GNMT: variants seen among roughly 807,000 people sequenced by gnomAD.
GNMT encodes epididymis secretory sperm binding protein Li 182mP.
GNMT carries 26 observed loss-of-function variants against 30.2 expected under a neutral mutation model. That is an observed-to-expected ratio of 0.86 (90% CI 0.63 to 1.19). The LOEUF (loss-of-function observed/expected upper bound fraction) is 1.19, where lower values mean the gene tolerates loss of function less well. GNMT is among the 50% of genes most tolerant of loss of function. The probability of loss-of-function intolerance (pLI) is 0.00; values close to 1 mark genes in which losing one functional copy is unlikely to be tolerated. For missense variants in GNMT, 365 were observed against 398.1 expected (o/e 0.92, Z 0.71); for synonymous variants, 163 against 163.8 (o/e 1.00, Z 0.04).
rs766324973 is a variant in GNMT, at chr6:42,962,232, T to G, written c.227T>G (p.Val76Gly). 5 of 1,614,116 alleles carry G rather than the reference T, an allele frequency of 3.1e-6. No homozygotes were observed. Among genetic ancestry groups the G allele is most frequent in the South Asian group, 2.2e-5 (2 of 91,072 alleles). ...CGTGVDSIML[V>G]EEGFSVTSVD... ...CTCAGGGTGGACTCCATTATGCTGGTGGAAGAGGGCTTCAGTGTGACGAGT... is the reference window on the plus strand; with the variant it reads ...CTCAGGGTGGACTCCATTATGCTGGGGGAAGAGGGCTTCAGTGTGACGAGT... The change falls in exon 2 of 6, where the codon GTG (valine) becomes GGG (glycine). Residue 76 changes from valine to glycine, a missense_variant. Transcript: ENST00000372808.
chr6:42,961,550 C>CTTTTTTTT (rs575786265), intron 1 of GNMT, among the ~76,000 whole-genome samples: 3,552 of 129,658 alleles, frequency 0.027, 123 homozygotes, highest in East Asian at 0.064. Context: ...CTATTTTTCT[C>CTTTTTTTT]TTTTTTTTTT....
intron 2 of GNMT, 122 bp from the exon 3 acceptor site, chr6:42,962,640 C>T: frequency 1.2e-6 from 1 of 830,562 alleles, no homozygotes; most frequent in Non-Finnish European, 2.1e-6. Flanking sequence ...TCTCCTCCCC[C>T]TAACTGAACG....
Position 42,963,459 on chromosome 6 carries a change from G to T in GNMT, c.716+10G>T, listed in dbSNP as rs768035917. 6.2e-7 allele frequency: 1 copy of T among 1,607,224 alleles called. No homozygotes were observed. The highest frequency in any genetic ancestry group is 1.1e-5 in the South Asian group (1 of 90,968). On this transcript the variant is annotated intron_variant, in intron 5 of 5. Transcript: ENST00000372808. ...GCTCTCCTGGCTTGAGGTACCACTT[G>T]GCTTAGTGGGGGTGAGGCGGTAGTT...
rs752961004 is a variant in GNMT, at chr6:42,960,816, G to A, written c.49G>A (p.Gly17Arg). ...CCGCTCCCTGGGGGTGGCGGCCGAA[G>A]GGCTCCCGGACCAGTACGCGGACGG... Reference protein sequence around the residue: ...RTRSLGVAAEGLPDQYADGEA... With the variant: ...RTRSLGVAAERLPDQYADGEA... The change falls in exon 1 of 6, where the codon GGG (glycine) becomes AGG (arginine). Residue 17 changes from glycine (G) to arginine (R), a missense_variant. Around this residue, in one of 3 missense-constraint regions of GNMT, gnomAD observed 125 missense variants for 112.0 expected, o/e 1.12. Transcript: ENST00000372808. 3.1e-5 allele frequency: 48 copies of A among 1,557,362 alleles called. No individual in the cohort carries two copies. The highest frequency in any genetic ancestry group is 3.4e-4 in the Middle Eastern group (2 of 5,834).
Position 42,960,935 on chromosome 6 carries a change from C to G in GNMT, c.168C>G (p.His56Gln). Residue 56 changes from histidine (H) to glutamine (Q), a missense_variant, in exon 1 of 6, where the codon CAC (histidine) becomes CAG (glutamine). Around this residue, in one of 3 missense-constraint regions of GNMT, gnomAD observed 125 missense variants for 112.0 expected, o/e 1.12. Coordinates refer to ENST00000372808, the MANE Select transcript of GNMT (RefSeq NM_018960.6). Reference protein sequence around the residue: ...KAWLLGLLRQHGCQRVLDVAC... With the variant: ...KAWLLGLLRQQGCQRVLDVAC... ...GGCTGCTTGGGCTGCTGCGCCAGCA[C>G]GGCTGCCAGCGGGTGCTCGACGTAG... 6.4e-7 allele frequency: 1 copy of G among 1,563,952 alleles called. No homozygotes were observed. The highest frequency in any genetic ancestry group is 1.2e-5 in the South Asian group (1 of 85,798).
chr6:42,962,650 G>A (rs1021391829), intron 2 of GNMT, 112 bp from the exon 3 acceptor site: 17 of 845,592 alleles, frequency 2.0e-5, no homozygotes, highest in African/African-American at 5.0e-5. Context: ...CTAACTGAAC[G>A]GGGAGCTTGT....
Position 42,963,416 on chromosome 6 carries a change from C to CG in GNMT, c.688dup (p.Ala230GlyfsTer11). ...ACCCTGGACTATACGGTGCAGGTGC[C>CG]GGGGGCTGGCCAGGATGGCTCTCCT... is the stretch of plus-strand genomic sequence containing the variant. On this transcript the variant is annotated frameshift_variant, in exon 5 of 6. Coordinates refer to ENST00000372808, the MANE Select transcript of GNMT (RefSeq NM_018960.6). LOFTEE classifies it high-confidence loss of function. 6.2e-7 allele frequency: 1 copy of CG among 1,613,826 alleles called. No homozygotes were observed. Among genetic ancestry groups the CG allele is most frequent in the Non-Finnish European group, 8.5e-7 (1 of 1,179,880 alleles).
At chr6:42,963,471 G>T (rs963261806) in intron 5 of GNMT, 22 bp downstream of exon 5, 1 of 1,612,282 alleles carries the variant, frequency 6.2e-7, no homozygotes, top group African/African-American at 1.4e-5. Flanking sequence ...CTTAGTGGGG[G>T]TGAGGCGGTA....
Position 42,960,801 on chromosome 6 carries a change from G to A in GNMT, c.34G>A (p.Gly12Arg). 1 of 1,553,872 alleles carries A rather than the reference G, an allele frequency of 6.4e-7. No homozygotes were observed. Among genetic ancestry groups the A allele is most frequent in the South Asian group, 1.2e-5 (1 of 84,592 alleles). ...CAGCGTGTACCGGACCCGCTCCCTG[G>A]GGGTGGCGGCCGAAGGGCTCCCGGA... ...VDSVYRTRSL[G>R]VAAEGLPDQY... Residue 12 changes from glycine to arginine, a missense_variant, in exon 1 of 6, where the codon GGG becomes AGG. Physicochemically the swap from Gly to Arg is moderately radical, Grantham distance 125. Coordinates refer to ENST00000372808, the MANE Select transcript of GNMT (RefSeq NM_018960.6).
At chr6:42,962,458 A>G (rs1769458105) in intron 2 of GNMT, 119 bp downstream of exon 2, 2 of 1,084,812 alleles carry the variant, frequency 1.8e-6, no homozygotes, top group African/African-American at 1.6e-5. Flanking sequence ...GGAGACAGAA[A>G]AATTACTGTC....
chr6:42,963,420 G>A lies in GNMT; in HGVS notation c.687G>A (p.Gly229=). Reference sequence around the variant, plus strand: ...TGGACTATACGGTGCAGGTGCCGGGGGCTGGCCAGGATGGCTCTCCTGGCT... The same window carrying A: ...TGGACTATACGGTGCAGGTGCCGGGAGCTGGCCAGGATGGCTCTCCTGGCT... The part of the protein sequence containing the change: ...VTLDYTVQVP[G]AGQDGSPGLS... Residue 229 remains glycine (G), a synonymous_variant, in exon 5 of 6, where the codon GGG becomes GGA. Transcript: ENST00000372808. The A allele has an allele frequency of 6.2e-7, 1 of 1,614,082 alleles. No homozygotes were observed. Among genetic ancestry groups the A allele is most frequent in the Non-Finnish European group, 8.5e-7 (1 of 1,179,978 alleles).
Position 42,963,170 on chromosome 6 carries a change from C to G in GNMT, c.550C>G (p.Leu184Val). Residue 184 changes from leucine to valine, a missense_variant, in exon 4 of 6, where the codon CTC becomes GTC. Leu to Val is a conservative substitution (Grantham distance 32, BLOSUM62 1). Around this residue, in one of 3 missense-constraint regions of GNMT, gnomAD observed 232 missense variants for 263.0 expected, o/e 0.88. Transcript: ENST00000372808. The part of the protein sequence containing the change: ...VIDHRNYDHI[L>V]STGCAPPGKN... ...TGATCATCGCAACTACGACCACATC[C>G]TCAGTACAGGCTGTGCACCCCCAGG... 1 of 1,608,366 alleles carries G rather than the reference C, an allele frequency of 6.2e-7. No individual in the cohort carries two copies. Among genetic ancestry groups the G allele is most frequent in the South Asian group, 1.1e-5 (1 of 90,966 alleles).
At chr6:42,961,188 G>A (rs1769367973) in intron 1 of GNMT, among the ~76,000 whole-genome samples, 1 of 152,238 alleles carries the variant, frequency 6.6e-6, no homozygotes, top group Admixed American at 6.5e-5. Context: ...GGTTCGCAGG[G>A]AGAGGCCCCG....
intron 2 of GNMT, 52 bp from the exon 3 acceptor site, chr6:42,962,710 C>A: frequency 8.0e-7 from 1 of 1,251,794 alleles, no homozygotes; most frequent in Non-Finnish European, 1.2e-6. Context: ...GAGGTGGCTG[C>A]TACTGGTACC....
At chr6:42,962,638 C>G in intron 2 of GNMT, 124 bp from the exon 3 acceptor site, 1 of 826,472 alleles carries the variant, frequency 1.2e-6, no homozygotes, top group South Asian at 1.3e-5. Flanking sequence ...TTTCTCCTCC[C>G]CCTAACTGAA....
Position 42,960,917 on chromosome 6 carries a change from TG to T in GNMT, c.153del (p.Leu52CysfsTer13). On this transcript the variant is annotated frameshift_variant, in exon 1 of 6. Coordinates refer to ENST00000372808, the MANE Select transcript of GNMT (RefSeq NM_018960.6). LOFTEE classifies it high-confidence loss of function. ...RTAEYKAWLLGLLRQHGCQRV... is the reference protein window; with the variant it reads ...RTAEYKAWLLXLLRQHGCQRV... Reference sequence around the variant, plus strand: ...CCGCCGAGTACAAGGCATGGCTGCTTGGGCTGCTGCGCCAGCACGGCTGCCA... The same window carrying T: ...CCGCCGAGTACAAGGCATGGCTGCTTGGCTGCTGCGCCAGCACGGCTGCCA... The T allele has an allele frequency of 1.3e-6, 2 of 1,564,096 alleles. No homozygotes were observed. Among genetic ancestry groups the T allele is most frequent in the Non-Finnish European group, 8.6e-7 (1 of 1,159,218 alleles).
rs143043221 is a variant in GNMT, at chr6:42,962,800, G to A, written c.373G>A (p.Val125Met). Residue 125 changes from valine (V) to methionine (M), a missense_variant, in exon 3 of 6, where the codon GTG becomes ATG. Around this residue, in one of 3 missense-constraint regions of GNMT, gnomAD observed 232 missense variants for 263.0 expected, o/e 0.88. Coordinates refer to ENST00000372808, the MANE Select transcript of GNMT (RefSeq NM_018960.6). Reference sequence around the variant, plus strand: ...CAACTGGATGACTCTGGACAAAGATGTGCCCCAGTCAGCAGAGGGTGGCTT... The same window carrying A: ...CAACTGGATGACTCTGGACAAAGATATGCCCCAGTCAGCAGAGGGTGGCTT... The part of the protein sequence containing the change: ...EANWMTLDKD[V>M]PQSAEGGFDA... 431 of 1,614,108 alleles carry A rather than the reference G, an allele frequency of 2.7e-4. 1 individual carries two copies. The African/African-American group carries it at 5.1e-3, about 19-fold the overall frequency.
rs575786265 is a variant in GNMT, at chr6:42,961,550, C to CTTTTTTTTTT, written c.206+589_206+598dup. ...GATCTGTCCTGTGCTCTATTTTTCT[C>CTTTTTTTTTT]TTTTTTTTTTTTTTTTTTTTTGAGA... On this transcript the variant is annotated intron_variant, in intron 1 of 5. Coordinates refer to ENST00000372808, the MANE Select transcript of GNMT (RefSeq NM_018960.6). Among the ~76,000 whole-genome samples the CTTTTTTTTTT allele has an allele frequency of 4.4e-3, 568 of 130,498 alleles. 7 individuals carry two copies. Among genetic ancestry groups the CTTTTTTTTTT allele is most frequent in the East Asian group, 7.8e-3 (31 of 3,986 alleles). 85.6% of individuals were successfully genotyped at this position (130,498 alleles called of 152,430 possible).
In GNMT at chr6:42,963,854, A is replaced by C; in HGVS notation, c.*148A>C. ...GTGGGTTCCACAGACGGAAGGGTAA[A>C]CAATATAGTCTTTTTCAGTTCCTGC... On this transcript the variant is annotated 3_prime_UTR_variant, in exon 6 of 6. Coordinates refer to ENST00000372808, the MANE Select transcript of GNMT (RefSeq NM_018960.6). 1 of 752,180 alleles carries C rather than the reference A, an allele frequency of 1.3e-6. No individual in the cohort carries two copies. Among genetic ancestry groups the C allele is most frequent in the Non-Finnish European group, 2.3e-6 (1 of 429,184 alleles). 46.6% of individuals were successfully genotyped at this position (752,180 alleles called of 1,614,324 possible).
Sources: gnomAD v4.1 joint callset for allele counts (sites outside exome capture counted in the v4.1 genomes callset) on GRCh38, gnomAD v4.1.1 for gene constraint, gnomAD v4.1.1 regional missense constraint, MANE v1.5 for transcripts, NCBI Gene and HGNC (gene_info 2026-07-23, HGNC 2026-07-21) for gene names.